ITFG2: variants seen among roughly 807,000 people sequenced by gnomAD.
ITFG2 encodes integrin alpha FG-GAP repeat containing 2.
In ITFG2, 36 loss-of-function variants were observed where a neutral mutation model predicts 54.4. That is an observed-to-expected ratio of 0.66 (90% CI 0.51 to 0.87). The LOEUF is 0.87. Ranked by LOEUF, ITFG2 falls within the 40% of genes least tolerant of loss-of-function variation. The pLI is 0.00. For missense variants in ITFG2, 524 were observed against 576.7 expected (o/e 0.91, Z 0.94); for synonymous variants, 211 against 225.4 (o/e 0.94, Z 0.57).
rs532718900 is a variant in ITFG2, at chr12:2,823,069, G to C, written c.1066+158G>C. On this transcript the variant is annotated intron_variant, in intron 10 of 11. Coordinates refer to ENST00000228799, the MANE Select transcript of ITFG2 (RefSeq NM_018463.4). ...AGTTCTTCAGCTCTTTTGTTTGGGG[G>C]TGAGGGGTGAGTGATGTAAGTCTTC... Among the ~76,000 whole-genome samples, 4 of 152,144 alleles carry C rather than the reference G, an allele frequency of 2.6e-5. No homozygotes were observed. In the South Asian group the frequency reaches 8.3e-4, roughly 32 times the overall value.
chr12:2,859,520 C>T (rs2153931694), intron 3 of ITFG2: 1 of 1,614,054 alleles, frequency 6.2e-7, no homozygotes, highest in South Asian at 1.1e-5. Flanking sequence ...CTAAGTGTGG[C>T]ATTTCCTCCC....
chr12:2,820,216 G>A lies in ITFG2; in HGVS notation c.537G>A (p.Leu179=). The stretch of plus-strand genomic sequence containing the variant: ...TGGTGTCCCTCAAGAAATGGATGCT[G>A]GAGGGTCAGGTAAGAAGCTGACTCT... ...GQLVSLKKWM[L]EGQVDSLSVT... Residue 179 remains leucine, a synonymous_variant, in exon 5 of 12, where the codon CTG becomes CTA. Transcript: ENST00000228799. The A allele has an allele frequency of 6.2e-7, 1 of 1,601,898 alleles. No individual in the cohort carries two copies. The highest frequency in any genetic ancestry group is 1.7e-4 in the Middle Eastern group (1 of 6,018).
At chr12:2,816,330 CTTT>C (rs34665036) in intron 1 of ITFG2, among the ~76,000 whole-genome samples, 4 of 120,418 alleles carry the variant, frequency 3.3e-5, no homozygotes, top group African/African-American at 3.2e-5. Context: ...CGCACACAGC[CTTT>C]TTTTTTTTTT....
At chr12:2,818,481 G>T in intron 4 of ITFG2, 1 of 964,798 alleles carries the variant, frequency 1.0e-6, no homozygotes, top group Non-Finnish European at 1.5e-6. Context: ...GCCCTCCTGG[G>T]CCTTATTATG....
rs1396318328 is a variant in ITFG2, at chr12:2,818,153, C to T, written c.282C>T (p.Asp94=). Reference sequence around the variant, plus strand: ...CTGAAGGCTGGTTTCATTTGTTTGACCTGACACCTGCCAAGGTGTTGGATG... The same window carrying T: ...CTGAAGGCTGGTTTCATTTGTTTGATCTGACACCTGCCAAGGTGTTGGATG... ...VSAEGWFHLF[D]LTPAKVLDAS... The change falls in exon 4 of 12, where the codon GAC becomes GAT. Residue 94 remains aspartate, a synonymous_variant. Coordinates refer to ENST00000228799, the MANE Select transcript of ITFG2 (RefSeq NM_018463.4). The T allele has an allele frequency of 6.2e-7, 1 of 1,614,028 alleles. No individual in the cohort carries two copies. The highest frequency in any genetic ancestry group is 1.3e-5 in the African/African-American group (1 of 74,920).
At chr12:2,831,294 A>G (rs1474548446), downstream of ITFG2, among the ~76,000 whole-genome samples, 1 of 151,838 alleles carries the variant, frequency 6.6e-6, no homozygotes, top group East Asian at 1.9e-4. Flanking sequence ...TAAGAAACTC[A>G]AGAACTAGGC....
At chr12:2,843,121 G>A (rs1022623276) in intron 2 of ITFG2, among the ~76,000 whole-genome samples, 4 of 152,134 alleles carry the variant, frequency 2.6e-5, no homozygotes, top group African/African-American at 9.7e-5. Context: ...GGAAATTCCC[G>A]GAATATTCTT....
chr12:2,827,074 G>A (rs1446758885), downstream of ITFG2: 2 of 1,502,012 alleles, frequency 1.3e-6, no homozygotes, highest in East Asian at 2.6e-5. The surrounding 1 kb of genome is among the most constrained non-coding windows in gnomAD (Gnocchi z 4.0). Context: ...AAATGGGACA[G>A]CAGGGGTCAG....
At chr12:2,821,918 T>A in intron 9 of ITFG2, 126 bp downstream of exon 9, 2 of 375,290 alleles carry the variant, frequency 5.3e-6, no homozygotes, top group Non-Finnish European at 9.2e-6. Flanking sequence ...TCTCTGTCTC[T>A]TTTTTTTTTT....
intron 2 of ITFG2, 75 bp downstream of exon 2, chr12:2,817,393 A>C: frequency 1.0e-6 from 1 of 989,492 alleles, no homozygotes; most frequent in Non-Finnish European, 1.6e-6. Context: ...GGTGAGCCCC[A>C]CACAGGTGCT....
intron 3 of ITFG2, chr12:2,859,378 T>G: frequency 1.2e-6 from 2 of 1,613,958 alleles, no homozygotes; most frequent in Non-Finnish European, 1.7e-6. Context: ...CTAAGCCCAC[T>G]GTAGGACTTC....
chr12:2,855,398 G>A lies in ITFG2; in HGVS notation n.301-2614G>A, dbSNP rs143773453. 825 of 1,496,694 alleles carry A rather than the reference G, an allele frequency of 5.5e-4. 12 individuals are homozygous for A. In the Middle Eastern group the frequency reaches 5.7e-3, roughly 10 times the overall value. The allele number at this position is 1,496,694 out of a possible 1,614,324, so 92.7% of individuals were successfully genotyped here. A position where few individuals can be genotyped will look rare whatever the true frequency, so the allele number is the denominator to read the frequency against. Reference sequence around the variant, plus strand: ...GACTCGCTGGGGAGGAAGAACTCACGCTGAGCCCACGTTTGGGAGGGTGGG... The same window carrying A: ...GACTCGCTGGGGAGGAAGAACTCACACTGAGCCCACGTTTGGGAGGGTGGG... On this transcript the variant is annotated intron_variant and non_coding_transcript_variant, in intron 2 of 3. Coordinates refer to the ITFG2 transcript ENST00000537710.
chr12:2,834,574 C>A, upstream of ITFG2: 1 of 1,515,820 alleles, frequency 6.6e-7, no homozygotes, highest in East Asian at 2.3e-5. Flanking sequence ...GTCCTGCCTC[C>A]TGCTCAGGAT....
rs2098063948 is a variant in ITFG2 at position 2,849,660 on chromosome 12, G to A, written n.301-8352G>A. On this transcript the variant is annotated intron_variant and non_coding_transcript_variant, in intron 2 of 3. Transcript: ENST00000537710. ...CATCAGGCGGCAGGGAATCCCTTCT[G>A]TCTCTCCACCTAATCGGATATTGAC... 43 of 972,934 alleles carry A rather than the reference G, an allele frequency of 4.4e-5. No individual in the cohort carries two copies. In the South Asian group the frequency reaches 6.8e-4, roughly 15 times the overall value. 60.3% of individuals were successfully genotyped at this position (972,934 alleles called of 1,614,324 possible).
At chr12:2,850,833 G>C (rs140214745) in intron 2 of ITFG2, among the ~76,000 whole-genome samples, 4,779 of 151,428 alleles carry the variant, frequency 0.032, 230 homozygotes, top group African/African-American at 0.11. Flanking sequence ...ACCACTCCTG[G>C]CTAATTTTTT....
upstream of ITFG2, among the ~76,000 whole-genome samples, chr12:2,832,785 C>T (rs985134281): frequency 1.3e-5 from 2 of 149,878 alleles, no homozygotes; most frequent in Admixed American, 1.3e-4. Context: ...CAGACTGACT[C>T]TTCCCCCAGG....
In ITFG2 at chr12:2,812,788, G is replaced by C; in HGVS notation, c.28G>C (p.Val10Leu). 1 of 1,612,104 alleles carries C rather than the reference G, an allele frequency of 6.2e-7. No homozygotes were observed. The highest frequency in any genetic ancestry group is 8.5e-7 in the Non-Finnish European group (1 of 1,178,316). MRSVSYVQR[V>L]ALEFSGSLFP... Reference sequence around the variant, plus strand: ...GAGGTCAGTTAGCTACGTGCAGCGCGTGGCGCTGGAGTTCAGCGGGAGCCT... The same window carrying C: ...GAGGTCAGTTAGCTACGTGCAGCGCCTGGCGCTGGAGTTCAGCGGGAGCCT... Residue 10 changes from valine (V) to leucine (L), a missense_variant, in exon 1 of 12, where the codon GTG becomes CTG. Physicochemically the swap from Val to Leu is conservative, Grantham distance 32. Coordinates refer to ENST00000228799, the MANE Select transcript of ITFG2 (RefSeq NM_018463.4).
intron 2 of ITFG2, among the ~76,000 whole-genome samples, chr12:2,841,978 A>G (rs2098042166): frequency 6.6e-6 from 1 of 151,830 alleles, no homozygotes; most frequent in Non-Finnish European, 1.5e-5. Flanking sequence ...CAGCCTCCCA[A>G]AGTGCTGGGA....
intron 2 of ITFG2, among the ~76,000 whole-genome samples, chr12:2,855,701 C>T (rs924450863): frequency 5.9e-5 from 9 of 152,164 alleles, no homozygotes; most frequent in South Asian, 2.1e-4. Flanking sequence ...TGACTTCCCA[C>T]CCTCTGTACT....
Sources: gnomAD v4.1 joint callset for allele counts (sites outside exome capture counted in the v4.1 genomes callset) on GRCh38, gnomAD v4.1.1 for gene constraint, Gnocchi (gnomAD v3.1) non-coding constraint, MANE v1.5 for transcripts, NCBI Gene and HGNC (gene_info 2026-07-23, HGNC 2026-07-21) for gene names.